Variants in UROS observed in about 807,000 individuals in gnomAD.
UROS encodes uroporphyrinogen III synthase, also known as uroporphyrinogen-III synthase.
A neutral mutation model predicts 33.0 loss-of-function variants in UROS; 18 were observed. The ratio of observed to expected loss-of-function variants is 0.55; its 90% confidence interval spans 0.38 to 0.81. UROS has a LOEUF of 0.81. Ranked by LOEUF, UROS falls within the 30% of genes least tolerant of loss-of-function variation. The pLI is 0.00. For missense variants in UROS, 293 were observed against 314.9 expected (o/e 0.93, Z 0.53); for synonymous variants, 114 against 121.1 (o/e 0.94, Z 0.38).
At chr10:125,803,291 T>C (rs1245442006) in intron 6 of UROS, among the ~76,000 whole-genome samples, 1 of 152,164 alleles carries the variant, frequency 6.6e-6, no homozygotes, top group Non-Finnish European at 1.5e-5. Flanking sequence ...AAAATGCCAA[T>C]GTATGTCAGA....
At chr10:125,810,618 C>T (rs190058607) in intron 5 of UROS, among the ~76,000 whole-genome samples, 326 of 152,240 alleles carry the variant, frequency 2.1e-3, no homozygotes, top group African/African-American at 7.3e-3. Flanking sequence ...TAATTTGTTA[C>T]GCAGCAAAGA....
At chr10:125,798,574 G>A (rs1418419559) in intron 6 of UROS, among the ~76,000 whole-genome samples, 3 of 152,342 alleles carry the variant, frequency 2.0e-5, no homozygotes, top group Non-Finnish European at 2.9e-5. Flanking sequence ...ATGAGCCAGG[G>A]CTCATGCTCA....
chr10:125,816,036 C>T, intron 3 of UROS, 141 bp downstream of exon 3: 1 of 895,948 alleles, frequency 1.1e-6, no homozygotes, highest in East Asian at 2.6e-5. Flanking sequence ...GCAGCAGCCT[C>T]CTGGAGCCAG....
chr10:125,792,310 A>C (rs566300782), intron 9 of UROS: 1 of 152,138 alleles, frequency 6.6e-6, no homozygotes, highest in Non-Finnish European at 1.5e-5. Flanking sequence ...TGCTCACATG[A>C]TGCTGCCCCA....
At position 125,788,774 on chromosome 10, in the gene UROS, G is replaced by A; in HGVS notation, c.*94C>T. 6.7e-7 allele frequency: 1 copy of A among 1,485,844 alleles called. No homozygotes were observed. Among genetic ancestry groups the A allele is most frequent in the South Asian group, 1.3e-5 (1 of 76,010 alleles). 92.0% of individuals were successfully genotyped at this position (1,485,844 alleles called of 1,614,324 possible). The stretch of plus-strand genomic sequence containing the variant: ...TCAGGCTTGAGGCAGGAGTCTGACG[G>A]CAGCAGCTCCCGAGAGCCCTTGCCG... On this transcript the variant is annotated 3_prime_UTR_variant, in exon 10 of 10. Coordinates refer to ENST00000368797, the MANE Select transcript of UROS (RefSeq NM_000375.3).
At chr10:125,818,745 G>A (rs1283265469) in intron 1 of UROS, among the ~76,000 whole-genome samples, 2 of 152,098 alleles carry the variant, frequency 1.3e-5, no homozygotes, top group Non-Finnish European at 2.9e-5. Flanking sequence ...TCAGATTCCT[G>A]TACATTGGAA....
chr10:125,799,638 C>T (rs974356413), intron 6 of UROS, among the ~76,000 whole-genome samples: 6 of 152,164 alleles, frequency 3.9e-5, no homozygotes, highest in African/African-American at 1.2e-4. Context: ...GTACGCGGCT[C>T]CCTGAGGGCA....
intron 6 of UROS, among the ~76,000 whole-genome samples, chr10:125,799,168 T>G (rs554464421): frequency 4.6e-5 from 7 of 152,292 alleles, no homozygotes; most frequent in African/African-American, 1.4e-4. Flanking sequence ...CCACTTAATT[T>G]CAAGTGTATA....
intron 8 of UROS, among the ~76,000 whole-genome samples, chr10:125,795,761 T>C (rs930825822): frequency 1.8e-4 from 28 of 152,194 alleles, no homozygotes; most frequent in African/African-American, 6.0e-4. Flanking sequence ...TTGCGTAAAT[T>C]ATCTCCTTTA....
downstream of UROS, among the ~76,000 whole-genome samples, chr10:125,787,439 G>C (rs565766648): frequency 5.9e-5 from 9 of 152,238 alleles, no homozygotes; most frequent in Admixed American, 4.6e-4. Context: ...TCCAGCTATG[G>C]GGGACCCCAT....
intron 6 of UROS, among the ~76,000 whole-genome samples, chr10:125,800,423 C>T (rs551694037): frequency 6.6e-4 from 100 of 152,286 alleles, no homozygotes; most frequent in African/African-American, 2.3e-3. Flanking sequence ...GGGAACGGGG[C>T]GGAGTCACTA....
chr10:125,788,430 A>T, downstream of UROS: 1 of 559,782 alleles, frequency 1.8e-6, no homozygotes, highest in Non-Finnish European at 2.3e-6. Flanking sequence ...CAGGAACTTC[A>T]CGGTCCTTTT....
chr10:125,788,789 A>G lies in UROS; in HGVS notation c.*79T>C. 3.3e-6 allele frequency: 5 copies of G among 1,509,000 alleles called. No individual in the cohort carries two copies. Among genetic ancestry groups the G allele is most frequent in the Non-Finnish European group, 4.4e-6 (5 of 1,125,802 alleles). The allele number at this position is 1,509,000 out of a possible 1,614,324, so 93.5% of individuals were successfully genotyped here. A position where few individuals can be genotyped will look rare whatever the true frequency, so the allele number is the denominator to read the frequency against. Reference sequence around the variant, plus strand: ...GAGTCTGACGGCAGCAGCTCCCGAGAGCCCTTGCCGATGCCTGGCTCCATC... The same window carrying G: ...GAGTCTGACGGCAGCAGCTCCCGAGGGCCCTTGCCGATGCCTGGCTCCATC... On this transcript the variant is annotated 3_prime_UTR_variant, in exon 10 of 10. Transcript: ENST00000368797.
chr10:125,812,888 AT>A (rs1321013429), intron 4 of UROS, among the ~76,000 whole-genome samples: 1 of 152,238 alleles, frequency 6.6e-6, no homozygotes, highest in African/African-American at 2.4e-5. Flanking sequence ...GAGAAAATGG[AT>A]TGTATAAATA....
intron 9 of UROS, 191 bp from the exon 10 acceptor site, chr10:125,789,196 C>G (rs557245472): frequency 1.4e-6 from 2 of 1,435,606 alleles, no homozygotes; most frequent in South Asian, 2.8e-5. Context: ...CCTCTGCATC[C>G]ACGCTCTCAT....
intron 6 of UROS, among the ~76,000 whole-genome samples, chr10:125,805,003 T>C (rs1852193520): frequency 6.6e-6 from 1 of 152,218 alleles, no homozygotes; most frequent in South Asian, 2.1e-4. Flanking sequence ...TTGAACTGAC[T>C]TGTTCTCCTG....
intron 6 of UROS, among the ~76,000 whole-genome samples, chr10:125,805,242 C>G (rs983808702): frequency 6.6e-6 from 1 of 152,236 alleles, no homozygotes; most frequent in African/African-American, 2.4e-5. Context: ...CCTCTGCCCA[C>G]CAGATTCAAA....
intron 7 of UROS, 120 bp downstream of exon 7, chr10:125,797,945 T>C (rs1333771787): frequency 2.5e-6 from 3 of 1,201,018 alleles, no homozygotes; most frequent in Non-Finnish European, 3.7e-6. Context: ...TGGCCTGGCT[T>C]ATCCAACCCA....
At chr10:125,793,726 TA>T (rs1049199765) in intron 9 of UROS, 3 of 152,208 alleles carry the variant, frequency 2.0e-5, no homozygotes, top group African/African-American at 7.2e-5. Flanking sequence ...TTTATATTTT[TA>T]GTAAAGACGG....
Sources: allele counts gnomAD v4.1 joint callset (sites outside exome capture counted in the v4.1 genomes callset), GRCh38; gene constraint gnomAD v4.1.1; transcripts MANE v1.5; gene names NCBI Gene and HGNC (gene_info 2026-07-23, HGNC 2026-07-21).